SCIMP: variants seen among roughly 807,000 people sequenced by gnomAD.
The protein encoded by SCIMP is SLP adapter and CSK-interacting membrane protein.
In SCIMP, 18 loss-of-function variants were observed where a neutral mutation model predicts 22.0. That is an observed-to-expected ratio of 0.82 (90% CI 0.56 to 1.21). SCIMP has a LOEUF of 1.21. Among genes scored for constraint, SCIMP ranks in the 50% most tolerant of loss-of-function variants. SCIMP has a pLI of 0.00. For synonymous variants in SCIMP, 53 were observed against 62.2 expected, an observed-to-expected ratio of 0.85 and a Z score of 0.70; for missense variants, 155 against 171.2, an observed-to-expected ratio of 0.91 and a Z score of 0.53.
rs890853862 is a variant in SCIMP at position 5,208,982 on chromosome 17, G to T, written c.*1819C>A. The stretch of plus-strand genomic sequence containing the variant: ...TGGAGGGTTTACAGAACATTTATAA[G>T]ACGAAAGCATGTGTTTGAAACACTC... On this transcript the variant is annotated 3_prime_UTR_variant, in exon 5 of 5. Transcript: ENST00000574081. The T allele has an allele frequency of 2.0e-5, 3 of 152,172 alleles. No individual in the cohort carries two copies. The highest frequency in any genetic ancestry group is 7.2e-5 in the African/African-American group (3 of 41,450). The allele number at this position is 152,172 out of a possible 1,614,324, so 9.4% of individuals were successfully genotyped here.
In SCIMP at chr17:5,209,456, A is replaced by G. The variant is rs560640985; in HGVS notation, c.*1345T>C. ...GTCTGGAAAGAGAGAACCAGGGAGG[A>G]AGCCCAGGTCCCCAGTGCTCCAGCG... On this transcript the variant is annotated 3_prime_UTR_variant, in exon 5 of 5. Transcript: ENST00000574081. The G allele has an allele frequency of 2.6e-5, 4 of 152,268 alleles. No individual in the cohort carries two copies. Among genetic ancestry groups the G allele is most frequent in the Admixed American group, 2.6e-4 (4 of 15,290 alleles). 9.4% of individuals were successfully genotyped at this position (152,268 alleles called of 1,614,324 possible). A position where few individuals can be genotyped will look rare whatever the true frequency, so the allele number is the denominator to read the frequency against.
intron 1 of SCIMP, among the ~76,000 whole-genome samples, chr17:5,228,219 G>A (rs975667745): frequency 2.0e-4 from 30 of 151,734 alleles, no homozygotes; most frequent in African/African-American, 7.3e-4. Context: ...GGTGGCACGC[G>A]CCTGTGGCCC....
At chr17:5,229,410 T>C (rs1181541257) in intron 1 of SCIMP, among the ~76,000 whole-genome samples, 5 of 137,152 alleles carry the variant, frequency 3.6e-5, no homozygotes, top group African/African-American at 1.1e-4. Context: ...TTTTTTTTTT[T>C]TGAGACAGAG....
At chr17:5,213,199 C>G in intron 4 of SCIMP, 2 of 984,494 alleles carry the variant, frequency 2.0e-6, no homozygotes, top group Non-Finnish European at 2.4e-6. Context: ...AATTTACACC[C>G]TTATATCAGG....
rs373917219 is a variant in SCIMP at position 5,221,440 on chromosome 17, A to T, written c.146-90T>A. The T allele has an allele frequency of 4.2e-6, 4 of 962,358 alleles. No homozygotes were observed. In the East Asian group the frequency reaches 9.6e-5, roughly 23 times the overall value. 59.6% of individuals were successfully genotyped at this position (962,358 alleles called of 1,614,324 possible). A position where few individuals can be genotyped will look rare whatever the true frequency, so the allele number is the denominator to read the frequency against. ...CCAGAGAAAACACACTTAGGGACAC[A>T]GTTAATAAATGATAGAGCCGGACTT... is the stretch of plus-strand genomic sequence containing the variant. On this transcript the variant is annotated intron_variant, in intron 2 of 4. Coordinates refer to ENST00000574081, the MANE Select transcript of SCIMP (RefSeq NM_207103.3).
At chr17:5,217,048 G>A (rs1292033210) in intron 3 of SCIMP, among the ~76,000 whole-genome samples, 1 of 152,070 alleles carries the variant, frequency 6.6e-6, no homozygotes, top group Non-Finnish European at 1.5e-5. Flanking sequence ...GAGTGCAGAC[G>A]GGGACATGGG....
intron 4 of SCIMP, among the ~76,000 whole-genome samples, chr17:5,212,714 T>C (rs1481282983): frequency 2.6e-5 from 4 of 152,184 alleles, no homozygotes; most frequent in Non-Finnish European, 1.5e-5. Flanking sequence ...AAGTGCTTAG[T>C]GTGGGACCTG....
chr17:5,224,216 ACT>A (rs1159962832), intron 1 of SCIMP, among the ~76,000 whole-genome samples: 3 of 146,344 alleles, frequency 2.0e-5, no homozygotes, highest in Non-Finnish European at 4.5e-5. Context: ...CTCTCTGCAA[ACT>A]CTGCTTCCTG....
intron 3 of SCIMP, among the ~76,000 whole-genome samples, chr17:5,219,392 C>T (rs2144320105): frequency 6.6e-6 from 1 of 151,978 alleles, no homozygotes; most frequent in East Asian, 1.9e-4. Flanking sequence ...TTTGGGAGGC[C>T]AAGGTGGGTG....
intron 1 of SCIMP, among the ~76,000 whole-genome samples, chr17:5,230,261 C>T (rs1001778253): frequency 2.0e-5 from 3 of 152,150 alleles, no homozygotes; most frequent in Non-Finnish European, 4.4e-5. Flanking sequence ...GATCACCAAG[C>T]ATGAGGCATT....
intron 1 of SCIMP, among the ~76,000 whole-genome samples, chr17:5,226,123 C>T (rs1285548629): frequency 6.6e-6 from 1 of 152,130 alleles, no homozygotes; most frequent in African/African-American, 2.4e-5. Context: ...GAAATAAATA[C>T]CACGACCTGC....
intron 4 of SCIMP, 74 bp from the exon 5 acceptor site, chr17:5,211,029 G>A (rs1207066429): frequency 3.9e-6 from 6 of 1,525,304 alleles, no homozygotes; most frequent in African/African-American, 1.4e-5. Context: ...GTGGCTCAGC[G>A]TGATTTTCAC....
At chr17:5,234,477 C>T in intron 1 of SCIMP, 1 of 546,938 alleles carries the variant, frequency 1.8e-6, no homozygotes. Flanking sequence ...TTCTTCATCG[C>T]CCCTGACATA....
At chr17:5,226,277 T>C (rs1404054789) in intron 1 of SCIMP, among the ~76,000 whole-genome samples, 5 of 152,080 alleles carry the variant, frequency 3.3e-5, no homozygotes, top group African/African-American at 1.2e-4. Flanking sequence ...AAAGAATAAA[T>C]TGGCCATGTA....
chr17:5,231,193 C>T (rs2144348493), intron 1 of SCIMP, among the ~76,000 whole-genome samples: 1 of 152,118 alleles, frequency 6.6e-6, no homozygotes, highest in South Asian at 2.1e-4. Context: ...AACCCCGTCT[C>T]TACTAAAAAT....
chr17:5,220,865 C>T, intron 3 of SCIMP: 1 of 321,792 alleles, frequency 3.1e-6, no homozygotes, highest in Admixed American at 4.4e-5. Flanking sequence ...TGAGACCAGC[C>T]TGGCCAACAT....
At position 5,214,988 on chromosome 17, in the gene SCIMP, T is replaced by C. The variant is rs774618694; in HGVS notation, c.220A>G (p.Asn74Asp). 7.2e-5 allele frequency: 115 copies of C among 1,607,742 alleles called. No individual in the cohort carries two copies. Among genetic ancestry groups the C allele is most frequent in the Non-Finnish European group, 8.9e-5 (105 of 1,174,508 alleles). Reference protein sequence around the residue: ...DEEKMYENVLNESPVQLPPLP... With the variant: ...DEEKMYENVLDESPVQLPPLP... ...GGCGGTAATTGAACTGGCGACTCAT[T>C]AAGAACATTCCTAGAGAGAGAGAAA... The change falls in exon 4 of 5, where the codon AAT (asparagine) becomes GAT (aspartate). Residue 74 changes from asparagine to aspartate, a missense_variant. By Grantham distance (23) the Asn-to-Asp change is conservative. Coordinates refer to ENST00000574081, the MANE Select transcript of SCIMP (RefSeq NM_207103.3).
chr17:5,228,822 C>T (rs1237429963), intron 1 of SCIMP, among the ~76,000 whole-genome samples: 1 of 152,124 alleles, frequency 6.6e-6, no homozygotes, highest in African/African-American at 2.4e-5. Flanking sequence ...GTGTTTCTAG[C>T]GCCTAGAACA....
intron 3 of SCIMP, among the ~76,000 whole-genome samples, chr17:5,220,415 T>C (rs1399346914): frequency 9.3e-6 from 1 of 107,210 alleles, no homozygotes; most frequent in Non-Finnish European, 1.7e-5. Context: ...CTGGGCAACA[T>C]AGCAAGACCC....
Sources: gnomAD v4.1 joint callset for allele counts (sites outside exome capture counted in the v4.1 genomes callset) on GRCh38, gnomAD v4.1.1 for gene constraint, MANE v1.5 for transcripts, NCBI Gene and HGNC (gene_info 2026-07-23, HGNC 2026-07-21) for gene names.